FOCAD: variants seen among roughly 807,000 people sequenced by gnomAD.
FOCAD encodes focadhesin, also known as KIAA1797.
FOCAD carries 198 observed loss-of-function variants against 225.6 expected under a neutral mutation model. The ratio of observed to expected loss-of-function variants is 0.88; its 90% CI spans 0.78 to 0.99. FOCAD has a LOEUF of 0.99. FOCAD is among the 50% of genes least tolerant of loss of function. The pLI, the probability that FOCAD is intolerant of heterozygous loss-of-function variation, is 0.00. For synonymous variants in FOCAD, 897 were observed against 755.0 expected (o/e 1.19, Z -3.08); for missense variants, 2,713 against 2,123.6 (o/e 1.28, Z -5.46).
At chr9:20,730,335 A>G (rs1325161820) in intron 4 of FOCAD, among the ~76,000 whole-genome samples, 1 of 152,176 alleles carries the variant, frequency 6.6e-6, no homozygotes, top group East Asian at 1.9e-4. Flanking sequence ...TCTTCCCCAT[A>G]TCTACACCCA....
chr9:20,802,755 A>C (rs1821985064), intron 11 of FOCAD, among the ~76,000 whole-genome samples: 1 of 152,148 alleles, frequency 6.6e-6, no homozygotes, highest in Admixed American at 6.5e-5. Context: ...AGCTCAGGTT[A>C]ATTTGATATA....
At chr9:20,667,121 G>C (rs1821921479) in intron 2 of FOCAD, among the ~76,000 whole-genome samples, 1 of 152,096 alleles carries the variant, frequency 6.6e-6, no homozygotes, top group African/African-American at 2.4e-5. Context: ...GTCGAATTTC[G>C]AATCTACCAC....
chr9:20,811,159 A>G (rs568367269), intron 11 of FOCAD, among the ~76,000 whole-genome samples: 2 of 152,226 alleles, frequency 1.3e-5, no homozygotes, highest in South Asian at 2.1e-4. Context: ...GACATAATTT[A>G]TACTCTAAAA....
In FOCAD at chr9:20,934,515, G is replaced by GT. The variant is rs113543089; in HGVS notation, c.3407+1421dup. 5.5e-3 allele frequency among the ~76,000 whole-genome samples: 807 copies of GT among 146,622 alleles called. 4 individuals are homozygous for GT. Among genetic ancestry groups the GT allele is most frequent in the African/African-American group, 0.013 (522 of 40,244 alleles). ...GTAGGGTGTCCTTTACCCACTTGAT[G>GT]TTTTTTTTTCTTTGATTTGTTGAAG... On this transcript the variant is annotated intron_variant, in intron 28 of 43. Coordinates refer to ENST00000338382, the MANE Select transcript of FOCAD (RefSeq NM_001375567.1).
chr9:20,674,676 G>C (rs758374902), intron 2 of FOCAD, among the ~76,000 whole-genome samples: 1 of 152,210 alleles, frequency 6.6e-6, no homozygotes, highest in Non-Finnish European at 1.5e-5. Flanking sequence ...GAGAAAGTAG[G>C]CCATGTGTTC....
rs140849300 is a variant in FOCAD at position 20,951,039 on chromosome 9, T to C, written c.3992T>C (p.Val1331Ala). 1 of 1,613,542 alleles carries C rather than the reference T, an allele frequency of 6.2e-7. No individual in the cohort carries two copies. The highest frequency in any genetic ancestry group is 1.3e-5 in the African/African-American group (1 of 74,872). ...GTGATTGGTCTCCAGTCAAATGCAG[T>C]CTGGCTTCTTGGACATCTTCATCTA... ...SGVIGLQSNA[V>A]WLLGHLHLST... Residue 1331 changes from valine (V) to alanine (A), a missense_variant, in exon 34 of 44, where the codon GTC (valine) becomes GCC (alanine). Val to Ala is a moderately conservative substitution (Grantham distance 64, BLOSUM62 0). Transcript: ENST00000338382.
chr9:20,885,059 A>G (rs867016253), intron 20 of FOCAD, 50 bp from the exon 21 acceptor site: 3 of 1,129,446 alleles, frequency 2.7e-6, no homozygotes, highest in Non-Finnish European at 3.4e-6. Flanking sequence ...ATTCTGTCTT[A>G]AAAAAATAAA....
upstream of FOCAD, among the ~76,000 whole-genome samples, chr9:20,655,813 T>C (rs1821468042): frequency 6.6e-6 from 1 of 152,168 alleles, no homozygotes; most frequent in Non-Finnish European, 1.5e-5. Flanking sequence ...TCTTGCCTTC[T>C]GCTAGATTTT....
chr9:20,729,457 C>T (rs1328639215), intron 4 of FOCAD, among the ~76,000 whole-genome samples: 2 of 152,102 alleles, frequency 1.3e-5, no homozygotes, highest in Non-Finnish European at 2.9e-5. Flanking sequence ...GATCTCATCC[C>T]AAGATACTTA....
At chr9:20,825,302 T>G (rs920393733) in intron 15 of FOCAD, among the ~76,000 whole-genome samples, 9 of 152,030 alleles carry the variant, frequency 5.9e-5, no homozygotes, top group Non-Finnish European at 1.0e-4. Flanking sequence ...ATCTTTTGTT[T>G]TGTGTCCAGA....
chr9:20,763,674 C>T (rs968079753), intron 6 of FOCAD, among the ~76,000 whole-genome samples: 2 of 151,986 alleles, frequency 1.3e-5, no homozygotes, highest in African/African-American at 4.8e-5. Flanking sequence ...AGAAGAAAGC[C>T]CAGATGGCTT....
At chr9:20,860,488 C>G (rs1828666026) in intron 15 of FOCAD, among the ~76,000 whole-genome samples, 1 of 152,064 alleles carries the variant, frequency 6.6e-6, no homozygotes, top group Non-Finnish European at 1.5e-5. Context: ...GTCTCTTGGC[C>G]TTTGTCCCTG....
intron 10 of FOCAD, among the ~76,000 whole-genome samples, chr9:20,783,826 GA>G (rs1255111779): frequency 6.6e-6 from 1 of 152,158 alleles, no homozygotes; most frequent in Non-Finnish European, 1.5e-5. Flanking sequence ...GGGGATAAAA[GA>G]GAGAATGCAT....
chr9:20,745,089 A>G (rs1189001097), intron 5 of FOCAD, among the ~76,000 whole-genome samples: 1 of 151,612 alleles, frequency 6.6e-6, no homozygotes, highest in Non-Finnish European at 1.5e-5. Context: ...TTTGTGTAAC[A>G]CACTTATATT....
chr9:20,761,941 A>T (rs1009587318), intron 6 of FOCAD, among the ~76,000 whole-genome samples: 3 of 152,230 alleles, frequency 2.0e-5, no homozygotes, highest in Non-Finnish European at 4.4e-5. Context: ...ATGATTAATC[A>T]TCAGATACCA....
chr9:20,754,548 T>G (rs1352208479), intron 5 of FOCAD, among the ~76,000 whole-genome samples: 1 of 141,608 alleles, frequency 7.1e-6, no homozygotes. Flanking sequence ...GGAAGCATAG[T>G]GTTTTTTTTT....
intron 2 of FOCAD, among the ~76,000 whole-genome samples, chr9:20,673,128 C>T (rs1180614888): frequency 6.6e-6 from 1 of 152,084 alleles, no homozygotes; most frequent in African/African-American, 2.4e-5. Context: ...AAGATTTTGG[C>T]CAGTATAGAC....
chr9:20,875,624 A>T (rs1022889498), intron 19 of FOCAD: 3 of 151,344 alleles, frequency 2.0e-5, no homozygotes, highest in African/African-American at 7.3e-5. Context: ...AAGTATTCTA[A>T]TGCTTATATG....
intron 36 of FOCAD, 92 bp from the exon 37 acceptor site, chr9:20,978,247 A>G (rs1269157689): frequency 1.3e-5 from 10 of 743,262 alleles, no homozygotes; most frequent in Non-Finnish European, 2.1e-5. Flanking sequence ...CAAAAGTCAC[A>G]TAAGCAGATG....
Sources: allele counts gnomAD v4.1 joint callset (sites outside exome capture counted in the v4.1 genomes callset), GRCh38; gene constraint gnomAD v4.1.1; transcripts MANE v1.5; gene names NCBI Gene and HGNC (gene_info 2026-07-23, HGNC 2026-07-21).